Variants in PPM1J observed in about 807,000 individuals in gnomAD.
PPM1J encodes the protein protein phosphatase 1J.
PPM1J carries 43 observed loss-of-function variants against 53.3 expected under a neutral mutation model. The ratio of observed to expected loss-of-function variants is 0.81; its 90% CI spans 0.63 to 1.04. The LOEUF is 1.04. Among genes scored for constraint, PPM1J ranks in the 50% least tolerant of loss-of-function variants. The probability of loss-of-function intolerance (pLI) is 0.00; values close to 1 mark genes in which losing one functional copy is unlikely to be tolerated. For missense variants in PPM1J, 635 were observed against 685.9 expected, an observed-to-expected ratio of 0.93 and a Z score of 0.83; for synonymous variants, 267 against 286.4, an observed-to-expected ratio of 0.93 and a Z score of 0.68.
In PPM1J at chr1:112,711,985, G is replaced by A; in HGVS notation, c.913C>T (p.Arg305Cys). 2.5e-6 allele frequency: 4 copies of A among 1,606,554 alleles called. No homozygotes were observed. Among genetic ancestry groups the A allele is most frequent in the Non-Finnish European group, 3.4e-6 (4 of 1,174,586 alleles). Residue 305 changes from arginine to cysteine, a missense_variant, in exon 5 of 10, where the codon CGT (arginine) becomes TGT (cysteine). Coordinates refer to ENST00000309276, the MANE Select transcript of PPM1J (RefSeq NM_005167.7). ...REFTPETERQRLQLLGFLKPE... is the reference protein window; with the variant it reads ...REFTPETERQCLQLLGFLKPE... ...TTCCTACTTACAAGCAGCTGAAGAC[G>A]CTGGCGCTCAGTCTCCGGGGTAAAC...
chr1:112,711,192 C>G (rs1675048191), intron 6 of PPM1J, 74 bp downstream of exon 6: 1 of 1,471,204 alleles, frequency 6.8e-7, no homozygotes, highest in African/African-American at 1.4e-5. Context: ...CAGCCTCCAG[C>G]TTCCACCTTG....
chr1:112,714,814 G>C, intron 1 of PPM1J, 162 bp downstream of exon 1: 1 of 1,280,974 alleles, frequency 7.8e-7, no homozygotes, highest in Non-Finnish European at 9.9e-7. Context: ...AAATGGGTTG[G>C]GAGGGGGTGC....
At position 112,715,331 on chromosome 1, in the gene PPM1J, G is replaced by GCCCCGC. The variant is rs1557784938; in HGVS notation, c.-31_-30insGCGGGG. On this transcript the variant is annotated 5_prime_UTR_variant, in exon 1 of 10. Coordinates refer to ENST00000309276, the MANE Select transcript of PPM1J (RefSeq NM_005167.7). The surrounding 1 kb of genome is among the most constrained non-coding windows in gnomAD (Gnocchi z 4.4). ...CCTCCCTGCCCCGCCCTCGGCCGCG[G>GCCCCGC]CCCCGCCCCCGCCCAGGCCCCGCCC... The GCCCCGC allele has an allele frequency of 1.6e-6, 2 of 1,221,262 alleles. No individual in the cohort carries two copies. The highest frequency in any genetic ancestry group is 4.3e-5 in the Admixed American group (1 of 23,184). The allele number at this position is 1,221,262 out of a possible 1,614,324, so 75.7% of individuals were successfully genotyped here. A position where few individuals can be genotyped will look rare whatever the true frequency, so the allele number is the denominator to read the frequency against.
Position 112,711,390 on chromosome 1 carries a change from G to A in PPM1J, c.928-6C>T, listed in dbSNP as rs1187236400. 1 of 1,575,338 alleles carries A rather than the reference G, an allele frequency of 6.3e-7. No individual in the cohort carries two copies. The highest frequency in any genetic ancestry group is 1.7e-4 in the Middle Eastern group (1 of 6,008). On this transcript the variant is annotated splice_polypyrimidine_tract_variant and splice_region_variant and intron_variant, in intron 5 of 9. Coordinates refer to ENST00000309276, the MANE Select transcript of PPM1J (RefSeq NM_005167.7). ...AGCTCTGGTTTCAGGAAGCCCTGGA[G>A]TTGGGGATGATCAGAACAGAGAGCC...
chr1:112,712,872 T>C lies in PPM1J; in HGVS notation c.601A>G (p.Thr201Ala). 1 of 1,612,486 alleles carries C rather than the reference T, an allele frequency of 6.2e-7. No individual in the cohort carries two copies. The highest frequency in any genetic ancestry group is 8.5e-7 in the Non-Finnish European group (1 of 1,179,686). The change falls in exon 3 of 10, where the codon ACT (threonine) becomes GCT (alanine). Residue 201 changes from threonine to alanine, a missense_variant. By Grantham distance (58) the Thr-to-Ala change is moderately conservative (BLOSUM62 0). Transcript: ENST00000309276. ...TCGGAGGAATCTGGGGTCCCCGGAG[T>C]GGTTGGGAGGCAGAGGGGTGGTGGC... is the stretch of plus-strand genomic sequence containing the variant. Reference protein sequence around the residue: ...PSPPPLCLPTTPGTPDSSDPS... With the variant: ...PSPPPLCLPTAPGTPDSSDPS...
At chr1:112,714,033 A>C in intron 1 of PPM1J, 1 of 1,055,354 alleles carries the variant, frequency 9.5e-7, no homozygotes, top group Admixed American at 4.7e-5. Context: ...TGTCCCCAGC[A>C]CCTCATCCTC....
At chr1:112,711,645 G>A (rs7522283) in intron 5 of PPM1J, among the ~76,000 whole-genome samples, 1 of 152,032 alleles carries the variant, frequency 6.6e-6, no homozygotes, top group Non-Finnish European at 1.5e-5. Flanking sequence ...GATGCATCCC[G>A]GGCTTCCAGC....
chr1:112,713,727 C>A, intron 1 of PPM1J, 116 bp from the exon 2 acceptor site: 2 of 859,870 alleles, frequency 2.3e-6, no homozygotes, highest in South Asian at 1.4e-5. Context: ...AAGGTCACAG[C>A]CACCTGGGAT....
intron 2 of PPM1J, 72 bp downstream of exon 2, chr1:112,713,425 G>A (rs1199714935): frequency 1.8e-6 from 2 of 1,090,250 alleles, no homozygotes; most frequent in Admixed American, 1.7e-5. Flanking sequence ...GCATGGCTCA[G>A]ATTTAAAACC....
chr1:112,713,876 C>T (rs2101484370), intron 1 of PPM1J, among the ~76,000 whole-genome samples: 1 of 152,092 alleles, frequency 6.6e-6, no homozygotes, highest in South Asian at 2.1e-4. Flanking sequence ...CTCACTTCCC[C>T]CATCCCTGGC....
In PPM1J at chr1:112,710,048, C is replaced by A. The variant is rs998409307; in HGVS notation, c.*115G>T. On this transcript the variant is annotated 3_prime_UTR_variant, in exon 10 of 10. Coordinates refer to ENST00000309276, the MANE Select transcript of PPM1J (RefSeq NM_005167.7). ...TAGCTGTAATTTTGGATATAGCGGA[C>A]ATCCCTTCTTCAGTTAAGTTGCCAC... 1 of 1,467,410 alleles carries A rather than the reference C, an allele frequency of 6.8e-7. No homozygotes were observed. The highest frequency in any genetic ancestry group is 1.4e-5 in the African/African-American group (1 of 70,202). 90.9% of individuals were successfully genotyped at this position (1,467,410 alleles called of 1,614,324 possible).
rs771721923 is a variant in PPM1J at position 112,710,620 on chromosome 1, A to G, written c.1219-9T>C. Reference sequence around the variant, plus strand: ...AGGTCATACACTCGTACCTGGTGGGAGAAAAGGGCAGAGAGGATTGAGGTG... The same window carrying G: ...AGGTCATACACTCGTACCTGGTGGGGGAAAAGGGCAGAGAGGATTGAGGTG... On this transcript the variant is annotated splice_polypyrimidine_tract_variant and intron_variant, in intron 8 of 9. Transcript: ENST00000309276. 3 of 1,614,062 alleles carry G rather than the reference A, an allele frequency of 1.9e-6. No homozygotes were observed. The highest frequency in any genetic ancestry group is 1.7e-5 in the Admixed American group (1 of 60,018).
chr1:112,710,070 CCA>C lies in PPM1J; in HGVS notation c.*91_*92del. 6.8e-7 allele frequency: 1 copy of C among 1,469,360 alleles called. No individual in the cohort carries two copies. The highest frequency in any genetic ancestry group is 9.0e-7 in the Non-Finnish European group (1 of 1,112,436). 91.0% of individuals were successfully genotyped at this position (1,469,360 alleles called of 1,614,324 possible). On this transcript the variant is annotated 3_prime_UTR_variant, in exon 10 of 10. Coordinates refer to ENST00000309276, the MANE Select transcript of PPM1J (RefSeq NM_005167.7). ...GGACATCCCTTCTTCAGTTAAGTTG[CCA>C]CTAAAGAAGGGTCAGGGAGACAACT... is the stretch of plus-strand genomic sequence containing the variant.
rs1430270386 is a variant in PPM1J at position 112,713,538 on chromosome 1, T to G, written c.400A>C (p.Arg134=). 33 of 1,613,982 alleles carry G rather than the reference T, an allele frequency of 2.0e-5. No homozygotes were observed. Among genetic ancestry groups the G allele is most frequent in the Non-Finnish European group, 2.7e-5 (32 of 1,180,012 alleles). Residue 134 remains arginine, a synonymous_variant, in exon 2 of 10, where the codon AGG becomes CGG. Coordinates refer to ENST00000309276, the MANE Select transcript of PPM1J (RefSeq NM_005167.7). ...CCEVVYVEGR[R]SVTGVPREPS... is the part of the protein sequence containing the mutation. Reference sequence around the variant, plus strand: ...TCCCTAGGTACTCCTGTAACACTCCTCCGACCTTCCACATACACCACTTCA... The same window carrying G: ...TCCCTAGGTACTCCTGTAACACTCCGCCGACCTTCCACATACACCACTTCA...
intron 5 of PPM1J, 114 bp from the exon 6 acceptor site, chr1:112,711,498 C>T (rs1264446013): frequency 1.6e-6 from 1 of 643,492 alleles, no homozygotes; most frequent in African/African-American, 1.8e-5. Flanking sequence ...TACCATGTGC[C>T]ACACGTTATT....
chr1:112,711,072 C>G lies in PPM1J; in HGVS notation c.1047-1G>C. On this transcript the variant is annotated splice_acceptor_variant, in intron 6 of 9. Transcript: ENST00000309276. LOFTEE classifies it high-confidence loss of function. ...CTCCAGCTCGATCTTTTTGTAGGCC[C>G]TGGGGAGGGGGGAGTAGAGGAGGCA... The G allele has an allele frequency of 6.2e-7, 1 of 1,613,966 alleles. No individual in the cohort carries two copies. The highest frequency in any genetic ancestry group is 8.5e-7 in the Non-Finnish European group (1 of 1,179,886).
Position 112,714,975 on chromosome 1 carries a change from C to T in PPM1J, c.326+1G>A. 7.1e-7 allele frequency: 1 copy of T among 1,401,136 alleles called. No homozygotes were observed. The highest frequency in any genetic ancestry group is 9.2e-7 in the Non-Finnish European group (1 of 1,081,318). 86.8% of individuals were successfully genotyped at this position (1,401,136 alleles called of 1,614,324 possible). A position where few individuals can be genotyped will look rare whatever the true frequency, so the allele number is the denominator to read the frequency against. ...GTTTGGGTGCCCCAGGGGGCGCTCACTCGGCGTAGCCTGTGCTCCAGGGCA... is the reference window on the plus strand; with the variant it reads ...GTTTGGGTGCCCCAGGGGGCGCTCATTCGGCGTAGCCTGTGCTCCAGGGCA... On this transcript the variant is annotated splice_donor_variant, in intron 1 of 9. Transcript: ENST00000309276. LOFTEE classifies it high-confidence loss of function.
At chr1:112,713,848 G>T (rs1233191640) in intron 1 of PPM1J, among the ~76,000 whole-genome samples, 1 of 151,856 alleles carries the variant, frequency 6.6e-6, no homozygotes, top group Non-Finnish European at 1.5e-5. Flanking sequence ...CTGGCCAACC[G>T]CTATGTCCCC....
At position 112,710,735 on chromosome 1, in the gene PPM1J, G is replaced by C; in HGVS notation, c.1218+9C>G. On this transcript the variant is annotated intron_variant, in intron 8 of 9. Coordinates refer to ENST00000309276, the MANE Select transcript of PPM1J (RefSeq NM_005167.7). ...CCAGAGAAGGCAAGGTGTGGTTTAA[G>C]GGGCTCACCTCAGGGAAGCAGGAGA... 1 of 1,613,576 alleles carries C rather than the reference G, an allele frequency of 6.2e-7. No homozygotes were observed. Among genetic ancestry groups the C allele is most frequent in the Non-Finnish European group, 8.5e-7 (1 of 1,179,502 alleles).
Sources: allele counts gnomAD v4.1 joint callset (sites outside exome capture counted in the v4.1 genomes callset), GRCh38; gene constraint gnomAD v4.1.1; non-coding constraint Gnocchi (gnomAD v3.1); transcripts MANE v1.5; gene names NCBI Gene and HGNC (gene_info 2026-07-23, HGNC 2026-07-21).